Variants in ADNP2 observed in about 807,000 individuals in gnomAD.
ADNP2 encodes activity-dependent neuroprotector homeobox protein 2.
In ADNP2, 8 loss-of-function variants were observed where a neutral mutation model predicts 16.4. The observed-to-expected ratio is 0.49, with a 90% CI of 0.29 to 0.88. The LOEUF is 0.88. ADNP2 is among the 40% of genes least tolerant of loss of function. The probability of loss-of-function intolerance (pLI) is 0.09; values close to 1 mark genes in which losing one functional copy is unlikely to be tolerated. For missense variants in ADNP2, 1,397 were observed against 1,395.1 expected, an observed-to-expected ratio of 1.00 and a Z score of -0.02; for synonymous variants, 637 against 545.8, an observed-to-expected ratio of 1.17 and a Z score of -2.33.
intron 1 of ADNP2, among the ~76,000 whole-genome samples, chr18:80,114,328 A>T (rs898819270): frequency 6.6e-6 from 1 of 152,214 alleles, no homozygotes; most frequent in Non-Finnish European, 1.5e-5. Context: ...GATAATAAAA[A>T]TTTGACATTT....
intron 2 of ADNP2, among the ~76,000 whole-genome samples, chr18:80,119,828 A>G (rs2052413239): frequency 6.6e-6 from 1 of 152,164 alleles, no homozygotes; most frequent in South Asian, 2.1e-4. Context: ...TGCCAAACAT[A>G]CCTTGGTGCT....
intron 1 of ADNP2, among the ~76,000 whole-genome samples, chr18:80,115,831 A>G (rs1376315190): frequency 6.6e-6 from 1 of 151,954 alleles, no homozygotes; most frequent in African/African-American, 2.4e-5. Flanking sequence ...GGTGGAGTGC[A>G]GTGGCGCGAC....
At chr18:80,113,710 G>C (rs1174995809) in intron 1 of ADNP2, among the ~76,000 whole-genome samples, 1 of 152,126 alleles carries the variant, frequency 6.6e-6, no homozygotes, top group Admixed American at 6.5e-5. Context: ...TTCTGCCCTG[G>C]AGTAGTTCAG....
Position 80,136,161 on chromosome 18 carries a change from G to T in ADNP2, c.748G>T (p.Val250Leu). The stretch of plus-strand genomic sequence containing the variant: ...AGATTTGGAGAATAAGCTTAGATCT[G>T]TGATTTCAGAACATATTAAGAGGAC... ...HRDLENKLRS[V>L]ISEHIKRTGL... is the part of the protein sequence containing the mutation. The change falls in exon 4 of 4, where the codon GTG becomes TTG. Residue 250 changes from valine (V) to leucine (L), a missense_variant. Transcript: ENST00000262198. 1 of 1,614,254 alleles carries T rather than the reference G, an allele frequency of 6.2e-7. No individual in the cohort carries two copies. The highest frequency in any genetic ancestry group is 8.5e-7 in the Non-Finnish European group (1 of 1,180,036).
chr18:80,121,609 A>G (rs973981315), intron 2 of ADNP2, among the ~76,000 whole-genome samples: 7 of 152,198 alleles, frequency 4.6e-5, no homozygotes, highest in Admixed American at 1.3e-4. Flanking sequence ...TCCATTGCCA[A>G]GTCCAAGGTC....
intron 2 of ADNP2, among the ~76,000 whole-genome samples, chr18:80,119,205 T>C (rs752793): frequency 0.01 from 1,583 of 152,238 alleles, 19 homozygotes; most frequent in African/African-American, 0.033. Context: ...GTGAAGTGCG[T>C]TTATTCTTAA....
chr18:80,135,667 T>G lies in ADNP2; in HGVS notation c.254T>G (p.Leu85Arg), dbSNP rs2052526932. Reference sequence around the variant, plus strand: ...CTCTGTAAATACTCTACAAAGGTGCTTACTTCATTCAAGAATCATTTACAT... The same window carrying G: ...CTCTGTAAATACTCTACAAAGGTGCGTACTTCATTCAAGAATCATTTACAT... ...CGLCKYSTKV[L>R]TSFKNHLHRY... Residue 85 changes from leucine to arginine, a missense_variant, in exon 4 of 4, where the codon CTT becomes CGT. Leu to Arg is a moderately radical substitution (Grantham distance 102, BLOSUM62 -2). Coordinates refer to ENST00000262198, the MANE Select transcript of ADNP2 (RefSeq NM_014913.4). The G allele has an allele frequency of 6.2e-7, 1 of 1,614,114 alleles. No homozygotes were observed. The highest frequency in any genetic ancestry group is 1.1e-5 in the South Asian group (1 of 91,090).
At position 80,138,816 on chromosome 18, in the gene ADNP2, C is replaced by G; in HGVS notation, c.*7C>G. On this transcript the variant is annotated 3_prime_UTR_variant, in exon 4 of 4. Coordinates refer to ENST00000262198, the MANE Select transcript of ADNP2 (RefSeq NM_014913.4). The stretch of plus-strand genomic sequence containing the variant: ...CTTTGAATATGAACCATAAAACTTG[C>G]AAAAAAAAAAAAAAGTAACTCTAAA... 1 of 1,227,406 alleles carries G rather than the reference C, an allele frequency of 8.1e-7. No homozygotes were observed. The highest frequency in any genetic ancestry group is 1.6e-5 in the African/African-American group (1 of 63,232). The allele number at this position is 1,227,406 out of a possible 1,614,324, so 76.0% of individuals were successfully genotyped here.
chr18:80,132,422 A>T (rs1444292038), intron 2 of ADNP2, among the ~76,000 whole-genome samples: 6 of 152,188 alleles, frequency 3.9e-5, no homozygotes, highest in Non-Finnish European at 5.9e-5. Context: ...TAACTGCACG[A>T]TTTAACATAA....
chr18:80,115,908 C>T (rs1228486014), intron 1 of ADNP2, among the ~76,000 whole-genome samples: 1 of 152,064 alleles, frequency 6.6e-6, no homozygotes, highest in African/African-American at 2.4e-5. Flanking sequence ...CCCGAGTAGC[C>T]GAGATTACAG....
At chr18:80,128,420 G>T (rs886913889) in intron 2 of ADNP2, among the ~76,000 whole-genome samples, 8 of 152,194 alleles carry the variant, frequency 5.3e-5, no homozygotes, top group African/African-American at 1.9e-4. Flanking sequence ...GGGAGGCCGA[G>T]GTGGATGGAT....
rs1464887844 is a variant in ADNP2, at chr18:80,138,555, G to A, written c.3142G>A (p.Gly1048Ser). 1 of 1,612,112 alleles carries A rather than the reference G, an allele frequency of 6.2e-7. No individual in the cohort carries two copies. Among genetic ancestry groups the A allele is most frequent in the Admixed American group, 1.7e-5 (1 of 59,580 alleles). The change falls in exon 4 of 4, where the codon GGC (glycine) becomes AGC (serine). Residue 1048 changes from glycine (G) to serine (S), a missense_variant. By Grantham distance (56) the Gly-to-Ser change is moderately conservative (BLOSUM62 0). Coordinates refer to ENST00000262198, the MANE Select transcript of ADNP2 (RefSeq NM_014913.4). Reference protein sequence around the residue: ...ILALDPKKYEGRSYEEKKQFL... With the variant: ...ILALDPKKYESRSYEEKKQFL... ...AGCATTAGATCCTAAAAAATATGAA[G>A]GCCGTTCTTATGAAGAAAAGAAGCA...
Position 80,138,557 on chromosome 18 carries a change from C to G in ADNP2, c.3144C>G (p.Gly1048=). ...ILALDPKKYE[G]RSYEEKKQFL... ...CATTAGATCCTAAAAAATATGAAGG[C>G]CGTTCTTATGAAGAAAAGAAGCAAT... The change falls in exon 4 of 4, where the codon GGC becomes GGG. Residue 1048 remains glycine (G), a synonymous_variant. Coordinates refer to ENST00000262198, the MANE Select transcript of ADNP2 (RefSeq NM_014913.4). The G allele has an allele frequency of 1.2e-6, 2 of 1,611,650 alleles. No individual in the cohort carries two copies. The highest frequency in any genetic ancestry group is 8.5e-7 in the Non-Finnish European group (1 of 1,179,494).
chr18:80,137,551 A>G lies in ADNP2; in HGVS notation c.2138A>G (p.Glu713Gly). The G allele has an allele frequency of 6.2e-7, 1 of 1,614,230 alleles. No homozygotes were observed. ...TCCAACGTCTACCAGGTCCACATGG[A>G]GGTAGCGCATAAGCACAGCGAGTCC... is the stretch of plus-strand genomic sequence containing the variant. ...FPSNVYQVHM[E>G]VAHKHSESKS... is the part of the protein sequence containing the mutation. The change falls in exon 4 of 4, where the codon GAG becomes GGG. Residue 713 changes from glutamate (E) to glycine (G), a missense_variant. Physicochemically the swap from Glu to Gly is moderately conservative, Grantham distance 98. This residue lies in a region of ADNP2 where 611 missense variants were observed against 648.7 expected (regional missense o/e 0.94). Coordinates refer to ENST00000262198, the MANE Select transcript of ADNP2 (RefSeq NM_014913.4). This position sits in a 1 kb window ranked among gnomAD's most constrained non-coding sequence, Gnocchi z 4.2.
intron 1 of ADNP2, among the ~76,000 whole-genome samples, chr18:80,113,844 G>T (rs558975309): frequency 3.9e-5 from 6 of 152,030 alleles, no homozygotes; most frequent in African/African-American, 1.4e-4. Flanking sequence ...TTGGGTGGTG[G>T]ATACAAGAGA....
chr18:80,121,297 G>C (rs2052423337), intron 2 of ADNP2, among the ~76,000 whole-genome samples: 1 of 152,090 alleles, frequency 6.6e-6, no homozygotes, highest in South Asian at 2.1e-4. Context: ...AGACAAATGA[G>C]TTTCAGCATC....
At chr18:80,121,874 G>C (rs1379084848) in intron 2 of ADNP2, among the ~76,000 whole-genome samples, 1 of 151,810 alleles carries the variant, frequency 6.6e-6, no homozygotes, top group East Asian at 1.9e-4. Flanking sequence ...TGTACTCTCA[G>C]TTCTATTCCA....
rs1416042682 is a variant in ADNP2, at chr18:80,111,446, A to AC, written c.-14+1977dup. Among the ~76,000 whole-genome samples, 252 of 152,248 alleles carry AC rather than the reference A, an allele frequency of 1.7e-3. 1 individual carries two copies. Among genetic ancestry groups the AC allele is most frequent in the African/African-American group, 5.9e-3 (243 of 41,530 alleles). On this transcript the variant is annotated intron_variant, in intron 1 of 3. Transcript: ENST00000262198. ...CTCATAAATGGTGGAGCTGATGTAA[A>AC]CCCGGGCACACAACTCCAGAATCCT...
At chr18:80,124,818 T>C (rs1312499195) in intron 2 of ADNP2, among the ~76,000 whole-genome samples, 1 of 152,212 alleles carries the variant, frequency 6.6e-6, no homozygotes, top group East Asian at 1.9e-4. Context: ...CTCTTAATTC[T>C]AGATATTTCA....
Sources: allele counts gnomAD v4.1 joint callset (sites outside exome capture counted in the v4.1 genomes callset), GRCh38; gene constraint gnomAD v4.1.1; regional missense constraint gnomAD v4.1.1; non-coding constraint Gnocchi (gnomAD v3.1); transcripts MANE v1.5; gene names NCBI Gene and HGNC (gene_info 2026-07-23, HGNC 2026-07-21).